IDH1: variants seen among roughly 807,000 people sequenced by gnomAD.
The protein encoded by IDH1 is isocitrate dehydrogenase (NADP(+)) 1.
A neutral mutation model predicts 46.1 loss-of-function variants in IDH1; 33 were observed. The observed-to-expected ratio is 0.72, with a 90% CI of 0.54 to 0.96. The LOEUF (loss-of-function observed/expected upper bound fraction) is 0.96, where lower values mean the gene tolerates loss of function less well. IDH1 is among the 40% of genes least tolerant of loss of function. IDH1 has a pLI of 0.00. For missense variants in IDH1, 421 were observed against 515.7 expected, an observed-to-expected ratio of 0.82 and a Z score of 1.78; for synonymous variants, 144 against 172.8, an observed-to-expected ratio of 0.83 and a Z score of 1.31.
intron 4 of IDH1, among the ~76,000 whole-genome samples, chr2:208,246,067 C>T (rs905422773): frequency 4.6e-5 from 7 of 152,138 alleles, no homozygotes; most frequent in Non-Finnish European, 1.0e-4. Flanking sequence ...CATCGGGGCT[C>T]GGTCTCTCAT....
At chr2:208,250,664 C>G (rs1000183975) in intron 3 of IDH1, among the ~76,000 whole-genome samples, 3 of 152,006 alleles carry the variant, frequency 2.0e-5, no homozygotes, top group Admixed American at 2.0e-4. Flanking sequence ...AAAAACACAG[C>G]GAAAAAAATG....
Position 208,245,444 on chromosome 2 carries a change from G to C in IDH1, c.415-20C>G, listed in dbSNP as rs1425510856. ...TCTGTACTGTGTAGAGGGGAAAAAG[G>C]TATAAAGAAAAAAAAAATACCCTAG... is the stretch of plus-strand genomic sequence containing the variant. On this transcript the variant is annotated intron_variant, in intron 4 of 9. Coordinates refer to ENST00000345146, the MANE Select transcript of IDH1 (RefSeq NM_005896.4). 3 of 1,381,878 alleles carry C rather than the reference G, an allele frequency of 2.2e-6. No individual in the cohort carries two copies. The highest frequency in any genetic ancestry group is 1.2e-5 in the South Asian group (1 of 86,368). The allele number at this position is 1,381,878 out of a possible 1,614,324, so 85.6% of individuals were successfully genotyped here.
rs781222279 is a variant in IDH1 at position 208,242,009 on chromosome 2, C to G, written c.835G>C (p.Asp279His). ...CKNYDGDVQS[D>H]SVAQGYGSLG... ...ACCTCTGTACCTTGGGCCACAGAGT[C>G]CGACTGCACGTCACCATCATAGTTT... is the stretch of plus-strand genomic sequence containing the variant. Residue 279 changes from aspartate (D) to histidine (H), a missense_variant, in exon 7 of 10, where the codon GAC (aspartate) becomes CAC (histidine). Asp to His is a moderately conservative substitution (Grantham distance 81). Transcript: ENST00000345146. 1 of 1,612,366 alleles carries G rather than the reference C, an allele frequency of 6.2e-7. No individual in the cohort carries two copies. The highest frequency in any genetic ancestry group is 1.7e-5 in the Admixed American group (1 of 60,010).
At chr2:208,238,644 C>A (rs187244118) in intron 9 of IDH1, among the ~76,000 whole-genome samples, 542 of 152,248 alleles carry the variant, frequency 3.6e-3, no homozygotes, top group African/African-American at 0.012. Flanking sequence ...AATAAAATAG[C>A]CTCTGAAGTA....
At chr2:208,243,119 T>C (rs980669746) in intron 6 of IDH1, among the ~76,000 whole-genome samples, 10 of 152,206 alleles carry the variant, frequency 6.6e-5, no homozygotes, top group African/African-American at 2.2e-4. Flanking sequence ...TGGGTCTGAC[T>C]TAGAAACTCA....
chr2:208,245,451 G>GAA, intron 4 of IDH1, 27 bp from the exon 5 acceptor site: 15 of 1,078,352 alleles, frequency 1.4e-5, no homozygotes, highest in South Asian at 5.4e-5. Context: ...AAGGTATAAA[G>GAA]AAAAAAAAAA....
In IDH1 at chr2:208,237,074, T is replaced by G; in HGVS notation, c.*5A>C. On this transcript the variant is annotated 3_prime_UTR_variant, in exon 10 of 10. Coordinates refer to ENST00000345146, the MANE Select transcript of IDH1 (RefSeq NM_005896.4). ...ACAATTATCCTTCTTAGCTCAGGTA[T>G]GAACTTAAAGTTTGGCCTGAGCTAG... The G allele has an allele frequency of 6.6e-7, 1 of 1,512,428 alleles. No individual in the cohort carries two copies. Among genetic ancestry groups the G allele is most frequent in the Non-Finnish European group, 9.2e-7 (1 of 1,089,044 alleles). The allele number at this position is 1,512,428 out of a possible 1,614,324, so 93.7% of individuals were successfully genotyped here.
rs201324219 is a variant in IDH1, at chr2:208,248,282, G to T, written c.414+87C>A. On this transcript the variant is annotated intron_variant, in intron 4 of 9. Coordinates refer to ENST00000345146, the MANE Select transcript of IDH1 (RefSeq NM_005896.4). ...TGCTTAATGGGTGTAGATACCAAAA[G>T]ATAAGAATAAAACACATACAAGTTG... 3.3e-6 allele frequency: 4 copies of T among 1,207,950 alleles called. No individual in the cohort carries two copies. The East Asian group carries it at 7.0e-5, about 21-fold the overall frequency. 74.8% of individuals were successfully genotyped at this position (1,207,950 alleles called of 1,614,324 possible).
intron 9 of IDH1, among the ~76,000 whole-genome samples, chr2:208,238,181 G>A (rs981722760): frequency 2.2e-4 from 33 of 151,710 alleles, no homozygotes; most frequent in Admixed American, 1.6e-3. Context: ...GACTACAGGT[G>A]CCCGCCACCA....
At chr2:208,247,908 A>G (rs1006394354) in intron 4 of IDH1, 5 of 184,064 alleles carry the variant, frequency 2.7e-5, no homozygotes, top group Non-Finnish European at 4.5e-5. Flanking sequence ...CCTGAACCCC[A>G]TGGAATTCAG....
At position 208,239,133 on chromosome 2, in the gene IDH1, A is replaced by T. The variant is rs1687870899; in HGVS notation, c.1092T>A (p.Ile364=). 1 of 1,613,818 alleles carries T rather than the reference A, an allele frequency of 6.2e-7. No homozygotes were observed. Among genetic ancestry groups the T allele is most frequent in the South Asian group, 1.1e-5 (1 of 91,074 alleles). Residue 364 remains isoleucine (I), a synonymous_variant, in exon 9 of 10, where the codon ATT becomes ATA. Transcript: ENST00000345146. ...FFANALEEVS[I]ETIEAGFMTK... is the part of the protein sequence containing the mutation. ...TCATGAAGCCAGCCTCAATTGTCTC[A>T]ATAGAGACTTCTTCCAAAGCATTTG... is the stretch of plus-strand genomic sequence containing the variant.
Position 208,243,592 on chromosome 2 carries a change from ACAC to A in IDH1, c.530_532del (p.Gly177del), listed in dbSNP as rs1313507537. The A allele has an allele frequency of 1.9e-6, 3 of 1,613,470 alleles. No individual in the cohort carries two copies. Among genetic ancestry groups the A allele is most frequent in the East Asian group, 4.5e-5 (2 of 44,882 alleles). On this transcript the variant is annotated inframe_deletion, in exon 6 of 10. Coordinates refer to ENST00000345146, the MANE Select transcript of IDH1 (RefSeq NM_005896.4). Reference sequence around the variant, plus strand: ...ATCTTGATTATACATCCCCATGGCAACACCACCACCTTCTGTAGAGGAGAAGCC... The same window carrying A: ...ATCTTGATTATACATCCCCATGGCAACACCACCTTCTGTAGAGGAGAAGCC...
rs975375815 is a variant in IDH1, at chr2:208,238,927, C to T, written c.1154+144G>A. On this transcript the variant is annotated intron_variant, in intron 9 of 9. Coordinates refer to ENST00000345146, the MANE Select transcript of IDH1 (RefSeq NM_005896.4). ...TGTTCCACAAAGCCTAAAATGTTCA[C>T]TATCTGACAATTTACAGATATCTGC... 8 of 767,050 alleles carry T rather than the reference C, an allele frequency of 1.0e-5. No individual in the cohort carries two copies. The African/African-American group carries it at 1.4e-4, about 13-fold the overall frequency. 47.5% of individuals were successfully genotyped at this position (767,050 alleles called of 1,614,324 possible). A position where few individuals can be genotyped will look rare whatever the true frequency, so the allele number is the denominator to read the frequency against.
rs766246232 is a variant in IDH1, at chr2:208,239,092, G to C, written c.1133C>G (p.Ala378Gly). The stretch of plus-strand genomic sequence containing the variant: ...TTACTTGGGTAAACCTTTAATGCAA[G>C]CAGCCAAGTCCTTGGTCATGAAGCC... ...EAGFMTKDLA[A>G]CIKGLPNVQR... Residue 378 changes from alanine to glycine, a missense_variant, in exon 9 of 10, where the codon GCT becomes GGT. Physicochemically the swap from Ala to Gly is moderately conservative, Grantham distance 60 (BLOSUM62 0). Transcript: ENST00000345146. 1.9e-6 allele frequency: 3 copies of C among 1,613,896 alleles called. No individual in the cohort carries two copies. Among genetic ancestry groups the C allele is most frequent in the Non-Finnish European group, 2.5e-6 (3 of 1,179,814 alleles).
At chr2:208,243,323 C>A in intron 6 of IDH1, 104 bp downstream of exon 6, 3 of 909,326 alleles carry the variant, frequency 3.3e-6, no homozygotes, top group East Asian at 2.6e-5. Context: ...TGATGATTTT[C>A]ACTCAATTTA....
intron 8 of IDH1, 62 bp downstream of exon 8, chr2:208,239,801 A>G: frequency 6.5e-7 from 1 of 1,538,288 alleles, no homozygotes. Context: ...AGCCAAGGGA[A>G]CACATCTGGG....
At chr2:208,245,789 C>CCA (rs1559361357) in intron 4 of IDH1, among the ~76,000 whole-genome samples, 1 of 117,362 alleles carries the variant, frequency 8.5e-6, no homozygotes, top group Non-Finnish European at 1.7e-5. Context: ...ACCCCCCCCC[C>CCA]AAAAAAAAAA....
intron 5 of IDH1, 145 bp from the exon 6 acceptor site, chr2:208,243,749 G>T: frequency 1.4e-6 from 1 of 721,358 alleles, no homozygotes; most frequent in Non-Finnish European, 2.4e-6. Flanking sequence ...TCCCAGACAG[G>T]TTTCCAACAA....
At position 208,248,360 on chromosome 2, in the gene IDH1, A is replaced by G. The variant is rs1688060493; in HGVS notation, c.414+9T>C. 1 of 1,612,740 alleles carries G rather than the reference A, an allele frequency of 6.2e-7. No individual in the cohort carries two copies. The highest frequency in any genetic ancestry group is 8.5e-7 in the Non-Finnish European group (1 of 1,179,008). On this transcript the variant is annotated intron_variant, in intron 4 of 9. Transcript: ENST00000345146. ...CATGCAAAATCACATTATTGCCAAC[A>G]TGACTTACTTGATCCCCATAAGCAT...
Sources: gnomAD v4.1 joint callset for allele counts (sites outside exome capture counted in the v4.1 genomes callset) on GRCh38, gnomAD v4.1.1 for gene constraint, MANE v1.5 for transcripts, NCBI Gene and HGNC (gene_info 2026-07-23, HGNC 2026-07-21) for gene names.